Variants in UBE3C observed in about 807,000 individuals in gnomAD.
UBE3C encodes the protein ubiquitin protein ligase E3C.
In UBE3C, 42 loss-of-function variants were observed where a neutral mutation model predicts 129.4. The ratio of observed to expected loss-of-function variants is 0.32; its 90% CI spans 0.25 to 0.42. The LOEUF (loss-of-function observed/expected upper bound fraction) is 0.42, where lower values mean the gene tolerates loss of function less well. UBE3C is among the 10% of genes least tolerant of loss of function. UBE3C has a pLI of 1.00. For missense variants in UBE3C, 1,049 were observed against 1,319.1 expected (o/e 0.80, Z 3.17); for synonymous variants, 510 against 492.4 (o/e 1.04, Z -0.47).
intron 11 of UBE3C, among the ~76,000 whole-genome samples, chr7:157,205,573 T>G (rs1809409548): frequency 6.6e-6 from 1 of 152,158 alleles, no homozygotes; most frequent in South Asian, 2.1e-4. Context: ...TGTGCCTTTT[T>G]TATCCTCCAT....
At chr7:157,153,613 A>G (rs1341916859) in intron 1 of UBE3C, among the ~76,000 whole-genome samples, 1 of 152,156 alleles carries the variant, frequency 6.6e-6, no homozygotes, top group African/African-American at 2.4e-5. Flanking sequence ...GAAAGTCATA[A>G]TTCTTGATAA....
At chr7:157,178,219 C>G (rs1270218359) in intron 5 of UBE3C, among the ~76,000 whole-genome samples, 3 of 152,040 alleles carry the variant, frequency 2.0e-5, no homozygotes, top group Non-Finnish European at 4.4e-5. Context: ...AAGCCTCAGT[C>G]AAAATGAGAG....
At chr7:157,175,660 G>A (rs768917497) in intron 5 of UBE3C, among the ~76,000 whole-genome samples, 34 of 151,816 alleles carry the variant, frequency 2.2e-4, no homozygotes, top group Non-Finnish European at 1.6e-4. Flanking sequence ...TGTAATATTT[G>A]TTTAGGATTA....
In UBE3C at chr7:157,262,396, G is replaced by T. The variant is rs1252882414; in HGVS notation, c.3082-5189G>T. ...AAGATCAGTAATAAGAATCATGTAA[G>T]TCTCTTCATAGGCTTTTTTTTTTTT... On this transcript the variant is annotated intron_variant, in intron 22 of 22. Coordinates refer to ENST00000348165, the MANE Select transcript of UBE3C (RefSeq NM_014671.3). Among the ~76,000 whole-genome samples the T allele has an allele frequency of 4.2e-5, 5 of 119,434 alleles. No individual in the cohort carries two copies. The East Asian group carries it at 1.4e-3, about 34-fold the overall frequency. The allele number at this position is 119,434 out of a possible 152,430, so 78.4% of individuals were successfully genotyped here. A position where few individuals can be genotyped will look rare whatever the true frequency, so the allele number is the denominator to read the frequency against.
At chr7:157,251,518 A>AG in intron 19 of UBE3C, among the ~76,000 whole-genome samples, 1 of 152,332 alleles carries the variant, frequency 6.6e-6, no homozygotes, top group Non-Finnish European at 1.5e-5. Flanking sequence ...GGAAGTCACA[A>AG]GACCCCTTCC....
intron 1 of UBE3C, among the ~76,000 whole-genome samples, chr7:157,140,730 C>T (rs577552179): frequency 1.1e-4 from 16 of 152,182 alleles, no homozygotes; most frequent in Non-Finnish European, 2.4e-4. Context: ...GAACACCCCA[C>T]GGGCCACGGA....
chr7:157,155,675 T>TC (rs988986017), intron 1 of UBE3C, among the ~76,000 whole-genome samples: 7 of 152,212 alleles, frequency 4.6e-5, no homozygotes, highest in African/African-American at 1.7e-4. Context: ...GAAAGCATTT[T>TC]CCCCCCATTT....
intron 21 of UBE3C, among the ~76,000 whole-genome samples, chr7:157,254,928 G>A (rs10261274): frequency 7.0e-5 from 6 of 85,150 alleles, no homozygotes; most frequent in Admixed American, 1.3e-4. Context: ...GCGTGGTGGC[G>A]TACACCTGCA....
chr7:157,143,293 C>T (rs998703500), intron 1 of UBE3C, among the ~76,000 whole-genome samples: 13 of 151,994 alleles, frequency 8.6e-5, no homozygotes, highest in Non-Finnish European at 1.5e-4. Context: ...AAGAATATCA[C>T]GGGGTCATCT....
rs1795791928 is a variant in UBE3C at position 157,223,409 on chromosome 7, C to T, written c.2100+58C>T. ...TATCATATTAGTGTTAAGAAATTAA[C>T]ACACACCCACCAGAGAAATCTCTAA... On this transcript the variant is annotated intron_variant, in intron 16 of 22. Transcript: ENST00000348165. 2.4e-5 allele frequency: 34 copies of T among 1,434,274 alleles called. No homozygotes were observed. In the South Asian group the frequency reaches 4.6e-4, roughly 19 times the overall value. 88.8% of individuals were successfully genotyped at this position (1,434,274 alleles called of 1,614,324 possible). A position where few individuals can be genotyped will look rare whatever the true frequency, so the allele number is the denominator to read the frequency against.
intron 22 of UBE3C, among the ~76,000 whole-genome samples, chr7:157,264,462 TACACAC>T (rs58070039): frequency 1.1e-5 from 1 of 91,760 alleles, no homozygotes; most frequent in African/African-American, 4.0e-5. Context: ...CTCGGCCTGT[TACACAC>T]ACACACACAC....
At chr7:157,266,194 G>A (rs191927003) in intron 22 of UBE3C, among the ~76,000 whole-genome samples, 1 of 152,260 alleles carries the variant, frequency 6.6e-6, no homozygotes, top group Non-Finnish European at 1.5e-5. Context: ...GGAGCCTGTA[G>A]TCCAAGCTAT....
Position 157,225,407 on chromosome 7 carries a change from A to G in UBE3C, c.2101A>G (p.Ile701Val). Residue 701 changes from isoleucine (I) to valine (V), a missense_variant and splice_region_variant, in exon 17 of 23, where the codon ATC becomes GTC. Ile to Val is a conservative substitution (Grantham distance 29, BLOSUM62 3). Transcript: ENST00000348165. ...CCTTACAGCTTTCCTTGTTTGTTAG[A>G]TCTTTCAGAGGTTGATTTATGCAGA... Reference protein sequence around the residue: ...FVVPFEERVKIFQRLIYADKQ... With the variant: ...FVVPFEERVKVFQRLIYADKQ... The G allele has an allele frequency of 3.1e-6, 5 of 1,599,422 alleles. No individual in the cohort carries two copies. Among genetic ancestry groups the G allele is most frequent in the Non-Finnish European group, 4.2e-6 (5 of 1,176,548 alleles).
chr7:157,231,059 C>T lies in UBE3C; in HGVS notation c.2234-21C>T, dbSNP rs372216275. 7.4e-6 allele frequency: 12 copies of T among 1,610,910 alleles called. No individual in the cohort carries two copies. The African/African-American group carries it at 1.3e-4, about 18-fold the overall frequency. On this transcript the variant is annotated intron_variant, in intron 17 of 22. Coordinates refer to ENST00000348165, the MANE Select transcript of UBE3C (RefSeq NM_014671.3). ...TGCTTGTAACATCTTTCCTCCTCAC[C>T]CTCCCATTTTTTTTTAACAGAGCCT... is the stretch of plus-strand genomic sequence containing the variant.
chr7:157,235,087 A>G (rs546977317), intron 18 of UBE3C, among the ~76,000 whole-genome samples: 23 of 152,262 alleles, frequency 1.5e-4, no homozygotes, highest in Admixed American at 9.8e-4. Context: ...GCTACTCCAG[A>G]GGCTGAGGCA....
At chr7:157,232,804 G>A (rs1029795661) in intron 18 of UBE3C, among the ~76,000 whole-genome samples, 1 of 152,172 alleles carries the variant, frequency 6.6e-6, no homozygotes, top group Non-Finnish European at 1.5e-5. Flanking sequence ...GCATGGAGTC[G>A]CCTGTTTTGA....
chr7:157,225,293 C>A (rs1362266616), intron 16 of UBE3C, 114 bp from the exon 17 acceptor site: 7 of 1,226,242 alleles, frequency 5.7e-6, no homozygotes, highest in Non-Finnish European at 7.8e-6. Context: ...TGACTATTAG[C>A]ATTTATTTCA....
chr7:157,140,328 G>C (rs1417944236), intron 1 of UBE3C, among the ~76,000 whole-genome samples: 1 of 152,184 alleles, frequency 6.6e-6, no homozygotes, highest in African/African-American at 2.4e-5. Context: ...AGATTGTGCT[G>C]TGGGGCTGTG....
chr7:157,231,535 C>T (rs1796021717), intron 18 of UBE3C: 1 of 639,334 alleles, frequency 1.6e-6, no homozygotes, highest in Non-Finnish European at 2.6e-6. Flanking sequence ...CATGTTGAAA[C>T]TTGATCCCCA....
Sources: gnomAD v4.1 joint callset for allele counts (sites outside exome capture counted in the v4.1 genomes callset) on GRCh38, gnomAD v4.1.1 for gene constraint, MANE v1.5 for transcripts, NCBI Gene and HGNC (gene_info 2026-07-23, HGNC 2026-07-21) for gene names.